The following GPC6 variants were observed in gnomAD, a reference collection of about 807,000 sequenced individuals.
GPC6 encodes glypican-6.
A neutral mutation model predicts 55.2 loss-of-function variants in GPC6; 14 were observed. The observed-to-expected ratio is 0.25, with a 90% CI of 0.17 to 0.40. The LOEUF (loss-of-function observed/expected upper bound fraction) is 0.40, where lower values mean the gene tolerates loss of function less well. Among genes scored for constraint, GPC6 ranks in the 10% least tolerant of loss-of-function variants. The pLI, the probability that GPC6 is intolerant of heterozygous loss-of-function variation, is 1.00. For missense variants in GPC6, 641 were observed against 708.5 expected (o/e 0.90, Z 1.08); for synonymous variants, 278 against 259.6 (o/e 1.07, Z -0.68).
intron 1 of GPC6, among the ~76,000 whole-genome samples, chr13:93,349,398 T>C (rs951644000): frequency 6.6e-6 from 1 of 152,176 alleles, no homozygotes; most frequent in African/African-American, 2.4e-5. Context: ...TAAAAAGCCT[T>C]ATTCATTAAA....
chr13:93,870,565 A>C (rs138485331), intron 3 of GPC6, among the ~76,000 whole-genome samples: 134 of 151,974 alleles, frequency 8.8e-4, no homozygotes, highest in African/African-American at 3.1e-3. Context: ...CTAAATTCAT[A>C]TGTTGAAGCC....
chr13:93,927,687 GAAA>G (rs10592821), intron 3 of GPC6, among the ~76,000 whole-genome samples: 3,569 of 135,418 alleles, frequency 0.026, 54 homozygotes, highest in Middle Eastern at 0.057. Context: ...CCTTCTTTGT[GAAA>G]AAAAAAAAAA....
intron 4 of GPC6, among the ~76,000 whole-genome samples, chr13:94,133,281 A>C (rs954663324): frequency 1.1e-4 from 17 of 151,648 alleles, no homozygotes; most frequent in African/African-American, 2.9e-4. Flanking sequence ...AAAAAAAAAA[A>C]AAAAAAAAAA....
intron 3 of GPC6, among the ~76,000 whole-genome samples, chr13:94,013,216 A>ATG (rs1190505181): frequency 7.5e-5 from 7 of 92,960 alleles, no homozygotes; most frequent in South Asian, 3.4e-4. Flanking sequence ...GCATGTGTGT[A>ATG]TGTATATATA....
chr13:93,443,848 C>G (rs947891027), intron 1 of GPC6, among the ~76,000 whole-genome samples: 4 of 150,294 alleles, frequency 2.7e-5, no homozygotes, highest in Admixed American at 6.6e-5. Flanking sequence ...AGAAAAGTAT[C>G]TGTGATGTTT....
intron 3 of GPC6, among the ~76,000 whole-genome samples, chr13:94,001,813 T>C (rs1881815296): frequency 6.6e-6 from 1 of 152,120 alleles, no homozygotes; most frequent in Non-Finnish European, 1.5e-5. Context: ...CATGGAAGAT[T>C]TTGTTCAAGA....
At chr13:93,231,434 T>G (rs201590953) in intron 1 of GPC6, among the ~76,000 whole-genome samples, 38,886 of 134,842 alleles carry the variant, frequency 0.29, 6,394 homozygotes, top group Admixed American at 0.37. Context: ...CGTATATATA[T>G]ATATATAGTC....
chr13:94,291,681 G>A (rs1054498256), intron 5 of GPC6, among the ~76,000 whole-genome samples: 1 of 151,432 alleles, frequency 6.6e-6, no homozygotes, highest in Non-Finnish European at 1.5e-5. Context: ...GCTAAGAACT[G>A]GGTGATTGAA....
chr13:93,455,147 C>T (rs912365091), intron 1 of GPC6, among the ~76,000 whole-genome samples: 2 of 152,148 alleles, frequency 1.3e-5, no homozygotes, highest in African/African-American at 2.4e-5. Context: ...CACGCAGCCC[C>T]GGTTCCCGCT....
intron 1 of GPC6, among the ~76,000 whole-genome samples, chr13:93,503,411 TG>T (rs777825384): frequency 3.9e-5 from 6 of 152,206 alleles, no homozygotes; most frequent in Non-Finnish European, 7.4e-5. Context: ...AGGGCAACAT[TG>T]AGCAATAATC....
intron 3 of GPC6, among the ~76,000 whole-genome samples, chr13:93,833,172 T>C (rs1041422134): frequency 7.3e-5 from 11 of 151,356 alleles, no homozygotes; most frequent in African/African-American, 2.7e-4. Context: ...TATATATATA[T>C]ATAGCCTTGG....
intron 2 of GPC6, among the ~76,000 whole-genome samples, chr13:93,748,058 T>C (rs1330499749): frequency 3.3e-5 from 5 of 152,320 alleles, no homozygotes; most frequent in Admixed American, 2.0e-4. Context: ...TGTTGTGACT[T>C]GCTTCTGATT....
At chr13:93,879,748 A>G (rs1443360519) in intron 3 of GPC6, among the ~76,000 whole-genome samples, 1 of 152,146 alleles carries the variant, frequency 6.6e-6, no homozygotes, top group Admixed American at 6.5e-5. Context: ...TCTGCACAGC[A>G]AAAGAAACTA....
intron 1 of GPC6, among the ~76,000 whole-genome samples, chr13:93,471,620 A>G (rs1405713976): frequency 3.9e-5 from 6 of 152,106 alleles, no homozygotes; most frequent in Admixed American, 3.9e-4. Flanking sequence ...ATTTCTCTTG[A>G]AATTTTCTTT....
chr13:94,188,766 C>G (rs921390128), intron 4 of GPC6, among the ~76,000 whole-genome samples: 4 of 152,040 alleles, frequency 2.6e-5, no homozygotes, highest in Non-Finnish European at 5.9e-5. Flanking sequence ...CACACCCCAT[C>G]CCATAGCTGG....
intron 2 of GPC6, among the ~76,000 whole-genome samples, chr13:93,633,464 G>A (rs1339290661): frequency 1.3e-5 from 2 of 151,930 alleles, no homozygotes; most frequent in East Asian, 3.9e-4. Context: ...TGGCCAACAT[G>A]GTGAAAACCC....
intron 4 of GPC6, among the ~76,000 whole-genome samples, chr13:94,045,532 G>A (rs1020087047): frequency 3.3e-5 from 5 of 151,850 alleles, no homozygotes; most frequent in Admixed American, 2.6e-4. Flanking sequence ...TTAAAATACA[G>A]CAAGACAAAG....
chr13:94,321,813 C>G (rs1343108626), intron 6 of GPC6, among the ~76,000 whole-genome samples: 2 of 152,160 alleles, frequency 1.3e-5, no homozygotes, highest in East Asian at 3.9e-4. Flanking sequence ...CCCTAGGCAC[C>G]ACATAGTTTC....
intron 5 of GPC6, among the ~76,000 whole-genome samples, chr13:94,299,200 CATT>C (rs146091312): frequency 0.038 from 5,761 of 152,060 alleles, 363 homozygotes; most frequent in African/African-American, 0.13. Context: ...ATTTATTAAC[CATT>C]ATTATTCTAT....
Sources: gnomAD v4.1 joint callset for allele counts (sites outside exome capture counted in the v4.1 genomes callset) on GRCh38, gnomAD v4.1.1 for gene constraint, MANE v1.5 for transcripts, NCBI Gene and HGNC (gene_info 2026-07-23, HGNC 2026-07-21) for gene names.